Variants in NAPRT observed in about 807,000 individuals in gnomAD.
The protein encoded by NAPRT is FHA-HIT-interacting protein.
A neutral mutation model predicts 60.7 loss-of-function variants in NAPRT; 66 were observed. The observed-to-expected ratio is 1.09, with a 90% confidence interval of 0.89 to 1.33. The LOEUF (loss-of-function observed/expected upper bound fraction) is 1.33, where lower values mean the gene tolerates loss of function less well. Among genes scored for constraint, NAPRT ranks in the 40% most tolerant of loss-of-function variants. NAPRT has a pLI of 0.00. For missense variants in NAPRT, 818 were observed against 731.5 expected (o/e 1.12, Z -1.36); for synonymous variants, 405 against 335.7 (o/e 1.21, Z -2.26).
Position 143,576,562 on chromosome 8 carries a change from G to A in NAPRT, c.892C>T (p.Pro298Ser), listed in dbSNP as rs1203453858. The change falls in exon 7 of 13, where the codon CCC becomes TCC. Residue 298 changes from proline to serine, a missense_variant. Physicochemically the swap from Pro to Ser is moderately conservative, Grantham distance 74. Coordinates refer to ENST00000449291, the MANE Select transcript of NAPRT (RefSeq NM_145201.6). ...DTYSVWRSGL[P>S]NFLAVALALG... ...GCCAGGGCGACTGCTAGGAAGTTGG[G>A]GAGACCACTCCTGCAGAAATAGATA... 15 of 1,611,214 alleles carry A rather than the reference G, an allele frequency of 9.3e-6. No homozygotes were observed. The highest frequency in any genetic ancestry group is 1.7e-5 in the Admixed American group (1 of 59,822).
At position 143,578,168 on chromosome 8, in the gene NAPRT, C is replaced by T. The variant is rs1824653917; in HGVS notation, c.151G>A (p.Gly51Ser). The change falls in exon 1 of 13, where the codon GGC becomes AGC. Residue 51 changes from glycine to serine, a missense_variant. By Grantham distance (56) the Gly-to-Ser change is moderately conservative. Transcript: ENST00000449291. The stretch of plus-strand genomic sequence containing the variant: ...CCGGCGGCCAAGGCGAAGGCGCCGC[C>T]GAACGGGCAGCGGCGGAAGAAGAGC... ...FELFFRRCPF[G>S]GAFALAAGLR... is the part of the protein sequence containing the mutation. 2.0e-6 allele frequency: 3 copies of T among 1,517,250 alleles called. No homozygotes were observed. The highest frequency in any genetic ancestry group is 1.2e-5 in the South Asian group (1 of 81,866). 94.0% of individuals were successfully genotyped at this position (1,517,250 alleles called of 1,614,324 possible).
chr8:143,573,463 CATG>C (rs1824200071), downstream of NAPRT: 1 of 152,174 alleles, frequency 6.6e-6, no homozygotes, highest in Non-Finnish European at 1.5e-5. Context: ...GTGCTGTTCC[CATG>C]ATAAGACTTC....
rs1191972436 is a variant in NAPRT, at chr8:143,574,916, G to A, written c.1555-16C>T. The stretch of plus-strand genomic sequence containing the variant: ...ACAGCACCACCTGCAGGGAGCAGAG[G>A]ACAGGAGCGGTGGGCAGGGTGAGGG... On this transcript the variant is annotated splice_polypyrimidine_tract_variant and intron_variant, in intron 12 of 12. Transcript: ENST00000449291. The A allele has an allele frequency of 3.2e-6, 5 of 1,550,486 alleles. No individual in the cohort carries two copies. Among genetic ancestry groups the A allele is most frequent in the Non-Finnish European group, 4.4e-6 (5 of 1,147,002 alleles).
In NAPRT at chr8:143,576,651, C is replaced by G; in HGVS notation, c.876G>C (p.Val292=). The change falls in exon 6 of 13, where the codon GTG becomes GTC. Residue 292 remains valine, a synonymous_variant. Transcript: ENST00000449291. Reference sequence around the variant, plus strand: ...CCTAAAGTGCCCGGGCTCACCTCCACACGCTGTAGGTGTCCAGGAGGCCCT... The same window carrying G: ...CCTAAAGTGCCCGGGCTCACCTCCAGACGCTGTAGGTGTCCAGGAGGCCCT... The part of the protein sequence containing the change: ...AFQGLLDTYS[V]WRSGLPNFLA... 1.2e-6 allele frequency: 2 copies of G among 1,609,666 alleles called. No individual in the cohort carries two copies. Among genetic ancestry groups the G allele is most frequent in the Non-Finnish European group, 1.7e-6 (2 of 1,178,048 alleles).
downstream of NAPRT, chr8:143,573,465 T>TG (rs1824200314): frequency 6.6e-6 from 1 of 152,184 alleles, no homozygotes; most frequent in Non-Finnish European, 1.5e-5. Flanking sequence ...GCTGTTCCCA[T>TG]GATAAGACTT....
Position 143,576,718 on chromosome 8 carries a change from G to A in NAPRT, c.809C>T (p.Ala270Val), listed in dbSNP as rs1422874034. Residue 270 changes from alanine to valine, a missense_variant, in exon 6 of 13, where the codon GCA (alanine) becomes GTA (valine). Coordinates refer to ENST00000449291, the MANE Select transcript of NAPRT (RefSeq NM_145201.6). ...AGCCAAGGCATAGGCCACAAAGGCTGCCCGCTCGCCTGGATGCGGCTCCTG... is the reference window on the plus strand; with the variant it reads ...AGCCAAGGCATAGGCCACAAAGGCTACCCGCTCGCCTGGATGCGGCTCCTG... ...GVQEPHPGERAAFVAYALAFP... is the reference protein window; with the variant it reads ...GVQEPHPGERVAFVAYALAFP... 6.2e-7 allele frequency: 1 copy of A among 1,609,632 alleles called. No individual in the cohort carries two copies.
Position 143,577,064 on chromosome 8 carries a change from G to C in NAPRT, c.682C>G (p.Pro228Ala). The C allele has an allele frequency of 1.9e-6, 3 of 1,612,634 alleles. No homozygotes were observed. Among genetic ancestry groups the C allele is most frequent in the East Asian group, 4.5e-5 (2 of 44,872 alleles). Residue 228 changes from proline to alanine, a missense_variant and splice_region_variant, in exon 5 of 13, where the codon CCG (proline) becomes GCG (alanine). By Grantham distance (27) the Pro-to-Ala change is conservative (BLOSUM62 -1). Coordinates refer to ENST00000449291, the MANE Select transcript of NAPRT (RefSeq NM_145201.6). The stretch of plus-strand genomic sequence containing the variant: ...CAGGGTTTAGAGGAGGGACTGACCG[G>C]GTCAGGGGGCACCTCGCTGCCTGAA... ...SFSGSEVPPD[P>A]MLAPAAGEGP...
chr8:143,576,589 G>C lies in NAPRT; in HGVS notation c.882-17C>G, dbSNP rs896367772. The C allele has an allele frequency of 3.7e-6, 6 of 1,607,738 alleles. No homozygotes were observed. Among genetic ancestry groups the C allele is most frequent in the Non-Finnish European group, 5.1e-6 (6 of 1,176,756 alleles). On this transcript the variant is annotated splice_polypyrimidine_tract_variant and intron_variant, in intron 6 of 12. Coordinates refer to ENST00000449291, the MANE Select transcript of NAPRT (RefSeq NM_145201.6). ...AGACCACTCCTGCAGAAATAGATAA[G>C]GGAGTCAGAGGCTGCTGAGGTTCTG...
chr8:143,575,489 T>A lies in NAPRT; in HGVS notation c.1225A>T (p.Thr409Ser). The A allele has an allele frequency of 6.3e-7, 1 of 1,599,716 alleles. No homozygotes were observed. The highest frequency in any genetic ancestry group is 1.1e-5 in the South Asian group (1 of 90,852). ...AVGGQPRMKL[T>S]EDPEKQTLPG... ...AACGTCTGCTTCTCGGGGTCCTCGG[T>A]CAGCTTCATTCGTGGCTGGCCCCCC... Residue 409 changes from threonine (T) to serine (S), a missense_variant, in exon 10 of 13, where the codon ACC becomes TCC. By Grantham distance (58) the Thr-to-Ser change is moderately conservative. Transcript: ENST00000449291.
chr8:143,575,429 A>G lies in NAPRT; in HGVS notation c.1285T>C (p.Ser429Pro), dbSNP rs748986138. Reference sequence around the variant, plus strand: ...GGGGATGGGAGGGCCTCACCGTCAGAGCCCAGGAGCCGGAAAGCAGCCTTG... The same window carrying G: ...GGGGATGGGAGGGCCTCACCGTCAGGGCCCAGGAGCCGGAAAGCAGCCTTG... ...GSKAAFRLLG[S>P]DGSPLMDMLQ... is the part of the protein sequence containing the mutation. The change falls in exon 10 of 13, where the codon TCT becomes CCT. Residue 429 changes from serine (S) to proline (P), a missense_variant. Physicochemically the swap from Ser to Pro is moderately conservative, Grantham distance 74. Coordinates refer to ENST00000449291, the MANE Select transcript of NAPRT (RefSeq NM_145201.6). 1 of 1,591,314 alleles carries G rather than the reference A, an allele frequency of 6.3e-7. No homozygotes were observed. The highest frequency in any genetic ancestry group is 1.7e-5 in the Admixed American group (1 of 59,602).
chr8:143,573,117 C>T (rs538549804), downstream of NAPRT: 1 of 201,944 alleles, frequency 5.0e-6, no homozygotes, highest in Non-Finnish European at 9.9e-6. Flanking sequence ...TGGGCCCCAC[C>T]CTGAGTCGAG....
Position 143,578,324 on chromosome 8 carries a change from T to C in NAPRT, c.-6A>G. ...GGGTCCTGCTCCGCCGCCATCCTGC[T>C]CCCGACGTCCGGACTCCGCCCCGCC... On this transcript the variant is annotated 5_prime_UTR_variant, in exon 1 of 13. Coordinates refer to ENST00000449291, the MANE Select transcript of NAPRT (RefSeq NM_145201.6). 1 of 1,350,524 alleles carries C rather than the reference T, an allele frequency of 7.4e-7. No individual in the cohort carries two copies. The highest frequency in any genetic ancestry group is 9.4e-7 in the Non-Finnish European group (1 of 1,060,122). 83.7% of individuals were successfully genotyped at this position (1,350,524 alleles called of 1,614,324 possible).
downstream of NAPRT, chr8:143,572,944 T>C: frequency 1.9e-6 from 1 of 514,674 alleles, no homozygotes; most frequent in Non-Finnish European, 3.4e-6. Context: ...GCCTGTGGTG[T>C]GGCTCTACCC....
chr8:143,574,325 C>A (rs564919987), downstream of NAPRT, among the ~76,000 whole-genome samples: 2 of 152,354 alleles, frequency 1.3e-5, no homozygotes, highest in African/African-American at 4.8e-5. Flanking sequence ...CAGGAGACAC[C>A]TGAGCACTCC....
intron 3 of NAPRT, 119 bp downstream of exon 3, chr8:143,577,538 G>C: frequency 1.4e-6 from 2 of 1,449,182 alleles, no homozygotes; most frequent in Non-Finnish European, 1.9e-6. Flanking sequence ...AAGAGTGGGG[G>C]CGGGAGGCCA....
chr8:143,573,328 G>C (rs940641591), downstream of NAPRT, among the ~76,000 whole-genome samples: 18 of 152,186 alleles, frequency 1.2e-4, no homozygotes, highest in African/African-American at 4.3e-4. Context: ...GGCCCCTCCA[G>C]AGCTTGTGCA....
At chr8:143,573,293 G>T (rs748834876), downstream of NAPRT, among the ~76,000 whole-genome samples, 2 of 152,212 alleles carry the variant, frequency 1.3e-5, no homozygotes, top group Non-Finnish European at 2.9e-5. Context: ...TGTGGAGGGG[G>T]CAGTGAAGAC....
In NAPRT at chr8:143,576,159, G is replaced by A. The variant is rs765547263; in HGVS notation, c.1026C>T (p.Phe342=). The change falls in exon 8 of 13, where the codon TTC becomes TTT. Residue 342 remains phenylalanine (F), a synonymous_variant. Coordinates refer to ENST00000449291, the MANE Select transcript of NAPRT (RefSeq NM_145201.6). ...GGACTGACTCCAGCCAGGGCACCTGGAACCTGCCGCGTGGGTGGAGAAAGG... is the reference window on the plus strand; with the variant it reads ...GGACTGACTCCAGCCAGGGCACCTGAAACCTGCCGCGTGGGTGGAGAAAGG... ...RKVFRAAAAQ[F]QVPWLESVLI... 4 of 1,595,206 alleles carry A rather than the reference G, an allele frequency of 2.5e-6. No homozygotes were observed. The highest frequency in any genetic ancestry group is 1.1e-5 in the South Asian group (1 of 89,564).
chr8:143,577,021 C>A, intron 5 of NAPRT, 41 bp downstream of exon 5: 1 of 1,590,956 alleles, frequency 6.3e-7, no homozygotes, highest in Non-Finnish European at 8.6e-7. Flanking sequence ...TGGCTTGGGG[C>A]CTGTCGCCTG....
Sources: gnomAD v4.1 joint callset for allele counts (sites outside exome capture counted in the v4.1 genomes callset) on GRCh38, gnomAD v4.1.1 for gene constraint, MANE v1.5 for transcripts, NCBI Gene and HGNC (gene_info 2026-07-23, HGNC 2026-07-21) for gene names.